The following EYS variants were observed in gnomAD, a reference collection of about 807,000 sequenced individuals.
EYS encodes EGF-like photoreceptor maintenance factor.
EYS carries 250 observed loss-of-function variants against 282.1 expected under a neutral mutation model. The observed-to-expected ratio is 0.89, with a 90% CI of 0.80 to 0.98. The LOEUF (loss-of-function observed/expected upper bound fraction) is 0.98. EYS is among the 50% of genes least tolerant of loss of function. The probability of loss-of-function intolerance (pLI) is 0.00; values close to 1 mark genes in which losing one functional copy is unlikely to be tolerated. For missense variants in EYS, 4,016 were observed against 3,709.0 expected (o/e 1.08, Z -2.15); for synonymous variants, 1,355 against 1,282.9 (o/e 1.06, Z -1.20).
At chr6:64,053,067 AAT>A (rs1328793266) in intron 33 of EYS, among the ~76,000 whole-genome samples, 1 of 152,156 alleles carries the variant, frequency 6.6e-6, no homozygotes, top group African/African-American at 2.4e-5. Flanking sequence ...ACAACTTTAA[AAT>A]ATGTTTAAAT....
At chr6:64,566,338 G>C (rs1399899349) in intron 26 of EYS, among the ~76,000 whole-genome samples, 2 of 152,134 alleles carry the variant, frequency 1.3e-5, no homozygotes. Flanking sequence ...CAGTGACTAG[G>C]TGCATGATTC....
intron 12 of EYS, among the ~76,000 whole-genome samples, chr6:65,204,532 C>T (rs2150247842): frequency 6.6e-6 from 1 of 151,740 alleles, no homozygotes; most frequent in South Asian, 2.1e-4. Context: ...ATAAGAAATG[C>T]TCAAAAGAGT....
intron 26 of EYS, among the ~76,000 whole-genome samples, chr6:64,504,029 C>A (rs917749127): frequency 1.3e-5 from 2 of 152,160 alleles, no homozygotes; most frequent in East Asian, 1.9e-4. Context: ...CCCAGTGATG[C>A]TTCTGTACAG....
At chr6:64,100,158 G>T (rs1392003124) in intron 31 of EYS, among the ~76,000 whole-genome samples, 1 of 151,990 alleles carries the variant, frequency 6.6e-6, no homozygotes, top group Admixed American at 6.6e-5. Flanking sequence ...TAAAATAATT[G>T]TATATATGCT....
intron 35 of EYS, among the ~76,000 whole-genome samples, chr6:63,906,672 A>G (rs1276728149): frequency 6.6e-6 from 1 of 152,204 alleles, no homozygotes; most frequent in Non-Finnish European, 1.5e-5. Context: ...TTTTACTTAT[A>G]TTAGCTTTGC....
intron 2 of EYS, among the ~76,000 whole-genome samples, chr6:65,628,805 G>A (rs1452879580): frequency 2.6e-5 from 4 of 152,314 alleles, no homozygotes; most frequent in East Asian, 1.9e-4. Flanking sequence ...AACACTCACC[G>A]CGAGGGTCCG....
intron 1 of EYS, among the ~76,000 whole-genome samples, chr6:65,670,181 C>T (rs781413254): frequency 1.3e-5 from 2 of 151,920 alleles, no homozygotes; most frequent in African/African-American, 4.8e-5. Context: ...GTTTAGATGC[C>T]TTCTAATTGA....
chr6:63,907,731 T>C (rs1773810572), intron 35 of EYS, among the ~76,000 whole-genome samples: 1 of 152,060 alleles, frequency 6.6e-6, no homozygotes, highest in Non-Finnish European at 1.5e-5. Context: ...TAATGTATGT[T>C]GTTCCCATTA....
chr6:64,970,659 T>A (rs185027320), intron 14 of EYS, among the ~76,000 whole-genome samples: 1 of 152,228 alleles, frequency 6.6e-6, no homozygotes, highest in Admixed American at 6.5e-5. Flanking sequence ...AAAGTTCTTA[T>A]AGATTTTTCT....
At chr6:65,539,677 T>C (rs960200960) in intron 2 of EYS, among the ~76,000 whole-genome samples, 2 of 152,216 alleles carry the variant, frequency 1.3e-5, no homozygotes, top group South Asian at 4.1e-4. Flanking sequence ...TGAAAGTATA[T>C]CACGGTCTGA....
chr6:64,748,123 G>A (rs561643635), intron 22 of EYS, among the ~76,000 whole-genome samples: 218 of 152,302 alleles, frequency 1.4e-3, no homozygotes, highest in Non-Finnish European at 2.8e-3. Context: ...AAATTGTACT[G>A]TGTGATACCT....
rs148224567 is a variant in EYS, at chr6:64,410,578, A to C, written c.5928-21738T>G. Among the ~76,000 whole-genome samples the C allele has an allele frequency of 3.3e-5, 5 of 152,274 alleles. No homozygotes were observed. The South Asian group carries it at 8.3e-4, about 25-fold the overall frequency. ...ATTATCTGGTTCCAAATGCCATTCT[A>C]TCTTTCTTTCACAGTCATATTTAAA... On this transcript the variant is annotated intron_variant, in intron 28 of 42. Coordinates refer to ENST00000503581, the MANE Select transcript of EYS (RefSeq NM_001142800.2).
chr6:65,244,688 AT>A (rs11351957), intron 12 of EYS, among the ~76,000 whole-genome samples: 96,039 of 142,326 alleles, frequency 0.67, 32,268 homozygotes, highest in African/African-American at 0.74. Flanking sequence ...AATTTTTTGT[AT>A]TTTTTTTTTT....
At chr6:64,275,964 CA>C (rs1163549964) in intron 30 of EYS, among the ~76,000 whole-genome samples, 1,275 of 118,652 alleles carry the variant, frequency 0.011, 8 homozygotes, top group African/African-American at 0.03. Context: ...GACTCCATCT[CA>C]AAAAAAAAAA....
intron 12 of EYS, among the ~76,000 whole-genome samples, chr6:65,230,116 C>T (rs186928535): frequency 2.6e-5 from 4 of 151,830 alleles, no homozygotes; most frequent in Admixed American, 2.0e-4. Flanking sequence ...GGGTAGAATC[C>T]ATCACAGACA....
intron 19 of EYS, among the ~76,000 whole-genome samples, chr6:64,824,711 C>T (rs1764998613): frequency 6.6e-6 from 1 of 151,762 alleles, no homozygotes; most frequent in Non-Finnish European, 1.5e-5. Context: ...AGGATGCATC[C>T]AGCAATGTTG....
intron 1 of EYS, among the ~76,000 whole-genome samples, chr6:65,649,287 G>T (rs1324765577): frequency 6.6e-6 from 1 of 151,636 alleles, no homozygotes; most frequent in East Asian, 1.9e-4. Flanking sequence ...TTCAAGATTG[G>T]ACGCCTTTTC....
At chr6:65,309,842 A>T (rs1769108353) in intron 11 of EYS, among the ~76,000 whole-genome samples, 1 of 152,192 alleles carries the variant, frequency 6.6e-6, no homozygotes, top group Admixed American at 6.5e-5. Flanking sequence ...AGACGTGACT[A>T]CTTCTCTCCC....
intron 41 of EYS, among the ~76,000 whole-genome samples, chr6:63,735,069 G>A (rs897451633): frequency 6.6e-6 from 1 of 152,068 alleles, no homozygotes; most frequent in East Asian, 1.9e-4. Context: ...CTTGCTCAAA[G>A]CTATGATTCA....
Sources: allele counts gnomAD v4.1 joint callset (sites outside exome capture counted in the v4.1 genomes callset), GRCh38; gene constraint gnomAD v4.1.1; transcripts MANE v1.5; gene names NCBI Gene and HGNC (gene_info 2026-07-23, HGNC 2026-07-21).